Variants in MIPEP observed in about 807,000 individuals in gnomAD.
The protein encoded by MIPEP is mitochondrial intermediate peptidase.
Under a neutral mutation model 90.3 loss-of-function variants are expected in MIPEP, and 79 were observed. The ratio of observed to expected loss-of-function variants is 0.87; its 90% CI spans 0.73 to 1.05. The LOEUF is 1.05. MIPEP is among the 50% of genes least tolerant of loss of function. MIPEP has a pLI of 0.00. For missense variants in MIPEP, 940 were observed against 905.6 expected (o/e 1.04, Z -0.49); for synonymous variants, 334 against 315.8 (o/e 1.06, Z -0.61).
At chr13:23,839,562 G>T in intron 12 of MIPEP, 87 bp downstream of exon 12, 4 of 797,466 alleles carry the variant, frequency 5.0e-6, no homozygotes, top group Admixed American at 2.9e-5. Context: ...AAATGTCATG[G>T]AATTTAAAAA....
chr13:23,801,940 TG>T (rs1231378748), intron 16 of MIPEP, among the ~76,000 whole-genome samples: 3 of 152,134 alleles, frequency 2.0e-5, no homozygotes, highest in Admixed American at 6.5e-5. Flanking sequence ...AAAGTATACC[TG>T]GTAGAGAAAG....
chr13:23,868,885 G>T (rs952542967), intron 7 of MIPEP, among the ~76,000 whole-genome samples: 11 of 152,118 alleles, frequency 7.2e-5, no homozygotes, highest in African/African-American at 2.4e-4. Context: ...CTCTGAAAAG[G>T]AGGCTTATCT....
At chr13:23,831,684 C>CA (rs761659129) in intron 14 of MIPEP, among the ~76,000 whole-genome samples, 10 of 152,098 alleles carry the variant, frequency 6.6e-5, no homozygotes, top group Non-Finnish European at 8.8e-5. Flanking sequence ...AGAACTAATC[C>CA]ATTCCAGAGA....
intron 14 of MIPEP, among the ~76,000 whole-genome samples, chr13:23,829,803 A>G (rs1868650401): frequency 6.6e-6 from 1 of 152,156 alleles, no homozygotes; most frequent in Non-Finnish European, 1.5e-5. Context: ...AAAACAGAAA[A>G]TAAATAAATA....
chr13:23,861,724 T>G (rs1237205382), intron 9 of MIPEP, among the ~76,000 whole-genome samples: 1 of 152,192 alleles, frequency 6.6e-6, no homozygotes, highest in Non-Finnish European at 1.5e-5. Flanking sequence ...ATCTGGACTC[T>G]CGACACTTTT....
At position 23,841,177 on chromosome 13, in the gene MIPEP, A is replaced by C. The variant is rs189918763; in HGVS notation, c.1260+158T>G. On this transcript the variant is annotated intron_variant, in intron 11 of 18. Coordinates refer to ENST00000382172, the MANE Select transcript of MIPEP (RefSeq NM_005932.4). ...TTGGATCCTTTATACAGTGTCTTAA[A>C]TCAGAAGTGCAATTTGGATTTTTTT... 1.1e-4 allele frequency among the ~76,000 whole-genome samples: 17 copies of C among 152,334 alleles called. No homozygotes were observed. In the East Asian group the frequency reaches 2.9e-3, roughly 26 times the overall value.
At chr13:23,799,932 T>C (rs1187738504) in intron 16 of MIPEP, among the ~76,000 whole-genome samples, 2 of 152,222 alleles carry the variant, frequency 1.3e-5, no homozygotes, top group African/African-American at 4.8e-5. Flanking sequence ...TATTATTATA[T>C]TTTCATGTAA....
chr13:23,833,787 C>A (rs1868884682), intron 14 of MIPEP, among the ~76,000 whole-genome samples: 1 of 152,178 alleles, frequency 6.6e-6, no homozygotes, highest in Non-Finnish European at 1.5e-5. Context: ...GTCACCCCCG[C>A]GTGTGTGTCC....
chr13:23,807,404 T>C (rs1953123088), intron 15 of MIPEP, among the ~76,000 whole-genome samples: 1 of 152,190 alleles, frequency 6.6e-6, no homozygotes, highest in African/African-American at 2.4e-5. Flanking sequence ...ATGGGATTTG[T>C]AGAGAATGTG....
intron 17 of MIPEP, 33 bp from the exon 18 acceptor site, chr13:23,756,651 C>T (rs1241136958): frequency 1.3e-6 from 2 of 1,591,858 alleles, no homozygotes; most frequent in Admixed American, 1.7e-5. Flanking sequence ...CAGACTCCTG[C>T]TTGCACAGCC....
intron 15 of MIPEP, among the ~76,000 whole-genome samples, chr13:23,806,806 G>T (rs1489780382): frequency 1.3e-5 from 2 of 151,714 alleles, no homozygotes; most frequent in Admixed American, 1.3e-4. Flanking sequence ...CTTTAGACCC[G>T]CTGGATCTAA....
At chr13:23,759,957 C>A (rs1353551286) in intron 17 of MIPEP, 139 bp downstream of exon 17, 6 of 1,050,090 alleles carry the variant, frequency 5.7e-6, no homozygotes, top group Non-Finnish European at 8.5e-6. Flanking sequence ...TGGGGCGAGG[C>A]TGTGTGGGGA....
intron 14 of MIPEP, among the ~76,000 whole-genome samples, chr13:23,831,383 C>CCGG: frequency 4.9e-5 from 2 of 40,920 alleles, no homozygotes; most frequent in East Asian, 4.7e-4. Flanking sequence ...TTCCCCATGG[C>CCGG]GGGGGGGGGA....
chr13:23,730,758 T>G (rs2138471992), intron 18 of MIPEP, among the ~76,000 whole-genome samples: 1 of 152,056 alleles, frequency 6.6e-6, no homozygotes, highest in Non-Finnish European at 1.5e-5. Flanking sequence ...GAAGACTGAT[T>G]TTTTTTTAGT....
intron 16 of MIPEP, among the ~76,000 whole-genome samples, chr13:23,787,316 T>TG (rs1174348985): frequency 6.6e-6 from 1 of 152,054 alleles, no homozygotes; most frequent in Non-Finnish European, 1.5e-5. Flanking sequence ...GATGACGGCC[T>TG]GCTTCCAGTG....
chr13:23,810,702 A>C (rs539715178), intron 14 of MIPEP, among the ~76,000 whole-genome samples: 6 of 152,368 alleles, frequency 3.9e-5, no homozygotes, highest in African/African-American at 1.4e-4. Context: ...CAAGTTACTC[A>C]GTGGTATGGT....
chr13:23,750,941 ACTTC>A (rs767798860), intron 18 of MIPEP, among the ~76,000 whole-genome samples: 17 of 152,112 alleles, frequency 1.1e-4, no homozygotes, highest in Non-Finnish European at 1.3e-4. Context: ...GTTTCTGGGC[ACTTC>A]CTTCCTTTCT....
chr13:23,889,106 A>T (rs773896949), intron 1 of MIPEP, 26 bp downstream of exon 1: 1 of 1,390,548 alleles, frequency 7.2e-7, no homozygotes, highest in Non-Finnish European at 9.3e-7. Context: ...TCGGGGACTG[A>T]GGGGAGCTCC....
Position 23,858,886 on chromosome 13 carries a change from G to C in MIPEP, c.1080C>G (p.Tyr360Ter). The C allele has an allele frequency of 6.2e-7, 1 of 1,613,612 alleles. No homozygotes were observed. Residue 360 changes from tyrosine (Y) to a stop codon, truncating the protein, a stop_gained, in exon 10 of 19, where the codon TAC becomes TAG. Coordinates refer to ENST00000382172, the MANE Select transcript of MIPEP (RefSeq NM_005932.4). LOFTEE classifies it high-confidence loss of function. ...TTTCTGCACGAATCACACCACTGTA[G>C]TAAGGGGGGTCCCAGGGCATTACTT... is the stretch of plus-strand genomic sequence containing the variant. ...NSEVMPWDPP[Y>*]YSGVIRAERY...
Sources: allele counts gnomAD v4.1 joint callset (sites outside exome capture counted in the v4.1 genomes callset), GRCh38; gene constraint gnomAD v4.1.1; transcripts MANE v1.5; gene names NCBI Gene and HGNC (gene_info 2026-07-23, HGNC 2026-07-21).